The following PCDHGA2 variants were observed in gnomAD, a reference collection of about 807,000 sequenced individuals.
PCDHGA2 encodes protocadherin gamma subfamily A, 2.
A neutral mutation model predicts 59.2 loss-of-function variants in PCDHGA2; 40 were observed. The ratio of observed to expected loss-of-function variants is 0.68; its 90% confidence interval spans 0.52 to 0.88. The LOEUF (loss-of-function observed/expected upper bound fraction) is 0.88. Ranked by LOEUF, PCDHGA2 falls within the 40% of genes least tolerant of loss-of-function variation. The pLI is 0.00. For synonymous variants in PCDHGA2, 560 were observed against 526.0 expected (o/e 1.06, Z -0.89); for missense variants, 1,226 against 1,204.0 (o/e 1.02, Z -0.27).
chr5:141,364,528 C>G (rs1445482375), intron 1 of PCDHGA2: 43 of 1,614,048 alleles, frequency 2.7e-5, no homozygotes, highest in Non-Finnish European at 3.6e-5. Flanking sequence ...GAGTCCGCAT[C>G]GTCTCCAGAG....
Position 141,430,120 on chromosome 5 carries a change from G to A in PCDHGA2, c.2425-64687G>A, listed in dbSNP as rs73280905. Among the ~76,000 whole-genome samples, 1,257 of 152,134 alleles carry A rather than the reference G, an allele frequency of 8.3e-3. 17 individuals are homozygous for A. Among genetic ancestry groups the A allele is most frequent in the African/African-American group, 0.029 (1,193 of 41,506 alleles). Reference sequence around the variant, plus strand: ...TTAAGCGTTACATGTCAACAACCTGGTAAAGTAATCCTTCCATTCAGGATC... The same window carrying A: ...TTAAGCGTTACATGTCAACAACCTGATAAAGTAATCCTTCCATTCAGGATC... On this transcript the variant is annotated intron_variant, in intron 1 of 3. Coordinates refer to ENST00000394576, the MANE Select transcript of PCDHGA2 (RefSeq NM_018915.4).
intron 1 of PCDHGA2, chr5:141,385,593 C>A: frequency 8.1e-7 from 1 of 1,235,054 alleles, no homozygotes; most frequent in African/African-American, 1.6e-5. Flanking sequence ...TTCCAACCTA[C>A]TTTCTTAACT....
At chr5:141,410,189 G>A in intron 1 of PCDHGA2, 1 of 1,613,992 alleles carries the variant, frequency 6.2e-7, no homozygotes, top group Non-Finnish European at 8.5e-7. Context: ...GCTTCATCTG[G>A]TCTTCGCAGA....
Position 141,356,649 on chromosome 5 carries a change from C to A in PCDHGA2, c.2424+15254C>A, listed in dbSNP as rs780140906. 7.4e-6 allele frequency: 12 copies of A among 1,614,014 alleles called. No individual in the cohort carries two copies. In the South Asian group the frequency reaches 1.3e-4, roughly 18 times the overall value. On this transcript the variant is annotated intron_variant, in intron 1 of 3. Transcript: ENST00000394576. Reference sequence around the variant, plus strand: ...CTGCTCAAGACCCTGACAGTGGTGACAATGCCCGAATCACTTACTCCCTGG... The same window carrying A: ...CTGCTCAAGACCCTGACAGTGGTGAAAATGCCCGAATCACTTACTCCCTGG...
chr5:141,357,628 C>T, intron 1 of PCDHGA2: 1 of 1,613,256 alleles, frequency 6.2e-7, no homozygotes, highest in Non-Finnish European at 8.5e-7. Flanking sequence ...TCAGGTGAGT[C>T]AATCTTATAA....
Position 141,415,740 on chromosome 5 carries a change from GTTTTTTTTTTTTTTTT to G in PCDHGA2, c.2424+74362_2424+74377del, listed in dbSNP as rs57426385. 54 of 625,040 alleles carry G rather than the reference GTTTTTTTTTTTTTTTT, an allele frequency of 8.6e-5. 1 individual carries two copies. The East Asian group carries it at 1.4e-3, about 16-fold the overall frequency. The allele number at this position is 625,040 out of a possible 1,614,324, so 38.7% of individuals were successfully genotyped here. ...TGAGTAGAATTTGATGTTTATTAAG[GTTTTTTTTTTTTTTTT>G]TTTTTTTTTTTTTTTTACTTTCTGG... On this transcript the variant is annotated intron_variant, in intron 1 of 3. Transcript: ENST00000394576.
chr5:141,355,379 C>T (rs771278815), intron 1 of PCDHGA2: 1 of 1,614,018 alleles, frequency 6.2e-7, no homozygotes, highest in South Asian at 1.1e-5. Context: ...CGGGAGCTGG[C>T]GGAGCGCGGA....
rs1757639261 is a variant in PCDHGA2, at chr5:141,345,777, G to T, written c.2424+4382G>T. The T allele has an allele frequency of 2.5e-6, 4 of 1,614,122 alleles. No individual in the cohort carries two copies. The African/African-American group carries it at 5.3e-5, about 22-fold the overall frequency. On this transcript the variant is annotated intron_variant, in intron 1 of 3. Transcript: ENST00000394576. ...TGGCGTGGAGCTGGCGCCTCGCTCC[G>T]CAGAGCCCGGCTACCTGGTGACCAA...
Position 141,431,151 on chromosome 5 carries a change from C to T in PCDHGA2, c.2425-63656C>T, listed in dbSNP as rs764416448. The T allele has an allele frequency of 6.2e-7, 1 of 1,614,126 alleles. No individual in the cohort carries two copies. Among genetic ancestry groups the T allele is most frequent in the African/African-American group, 1.3e-5 (1 of 74,954 alleles). On this transcript the variant is annotated intron_variant, in intron 1 of 3. Coordinates refer to ENST00000394576, the MANE Select transcript of PCDHGA2 (RefSeq NM_018915.4). The surrounding 1 kb of genome is among the most constrained non-coding windows in gnomAD (Gnocchi z 4.8). ...GTAAGGGACATTAACGACAATGCGC[C>T]TTACTTTCGTGAAAGTGAATTAGAA...
intron 1 of PCDHGA2, chr5:141,346,231 C>T: frequency 1.9e-6 from 3 of 1,614,200 alleles, no homozygotes; most frequent in African/African-American, 1.3e-5. Context: ...GGCGGCTTGG[C>T]GAGTACGCCC....
intron 1 of PCDHGA2, chr5:141,343,081 T>G (rs1262047538): frequency 6.2e-6 from 1 of 161,534 alleles, no homozygotes. Context: ...TCTCCCATTA[T>G]GGTAATTATC....
rs746906389 is a variant in PCDHGA2 at position 141,384,782 on chromosome 5, C to T, written c.2424+43387C>T. The T allele has an allele frequency of 5.0e-6, 8 of 1,613,640 alleles. No individual in the cohort carries two copies. The highest frequency in any genetic ancestry group is 5.9e-6 in the Non-Finnish European group (7 of 1,179,944). On this transcript the variant is annotated intron_variant, in intron 1 of 3. Transcript: ENST00000394576. The stretch of plus-strand genomic sequence containing the variant: ...GGGCTGTACACGGGCGAGGTGCGCA[C>T]GGCTCGGGCCCTGCTGGACAGAGAT...
intron 1 of PCDHGA2, chr5:141,393,928 A>G: frequency 2.5e-6 from 4 of 1,614,004 alleles, no homozygotes; most frequent in South Asian, 2.2e-5. Flanking sequence ...TTGAGTGTGC[A>G]TGACCAAGAC....
chr5:141,443,457 G>C (rs977253701), intron 1 of PCDHGA2, among the ~76,000 whole-genome samples: 12 of 152,194 alleles, frequency 7.9e-5, no homozygotes, highest in Non-Finnish European at 1.3e-4. Flanking sequence ...CTGTACTCCA[G>C]TCTGGGTGAC....
Position 141,490,772 on chromosome 5 carries a change from C to T in PCDHGA2, c.2425-4035C>T. ...GCCTCCTCCTTTGTGTATGTCAACC[C>T]AGAGGATGGACGGATCTTTGCCCAG... On this transcript the variant is annotated intron_variant, in intron 1 of 3. Coordinates refer to ENST00000394576, the MANE Select transcript of PCDHGA2 (RefSeq NM_018915.4). This position sits in a 1 kb window ranked among gnomAD's most constrained non-coding sequence, Gnocchi z 5.4. 6.2e-7 allele frequency: 1 copy of T among 1,614,164 alleles called. No homozygotes were observed. The highest frequency in any genetic ancestry group is 1.1e-5 in the South Asian group (1 of 91,082).
In PCDHGA2 at chr5:141,339,666, T is replaced by C. The variant is rs757911282; in HGVS notation, c.695T>C (p.Val232Ala). ...GGCACCTCCCGCATCTGCGTGAAGGTCCTGGATGCGAACGACAATGCGCCT... is the reference window on the plus strand; with the variant it reads ...GGCACCTCCCGCATCTGCGTGAAGGCCCTGGATGCGAACGACAATGCGCCT... The part of the protein sequence containing the change: ...LSGTSRICVK[V>A]LDANDNAPVF... Residue 232 changes from valine (V) to alanine (A), a missense_variant, in exon 1 of 4, where the codon GTC becomes GCC. Val to Ala is a moderately conservative substitution (Grantham distance 64). Coordinates refer to ENST00000394576, the MANE Select transcript of PCDHGA2 (RefSeq NM_018915.4). 4 of 1,613,982 alleles carry C rather than the reference T, an allele frequency of 2.5e-6. No individual in the cohort carries two copies. Among genetic ancestry groups the C allele is most frequent in the Non-Finnish European group, 3.4e-6 (4 of 1,180,026 alleles).
At chr5:141,371,602 G>A in intron 1 of PCDHGA2, 1 of 1,613,990 alleles carries the variant, frequency 6.2e-7, no homozygotes, top group East Asian at 2.2e-5. Context: ...AACACATACA[G>A]GTTGGTGACA....
chr5:141,374,657 C>T, intron 1 of PCDHGA2: 1 of 1,612,018 alleles, frequency 6.2e-7, no homozygotes, highest in Non-Finnish European at 8.5e-7. Context: ...GCCCAAGTAC[C>T]CGGAGCTGGT....
In PCDHGA2 at chr5:141,339,650, C is replaced by A. The variant is rs774723964; in HGVS notation, c.679C>A (p.Arg227Ser). The change falls in exon 1 of 4, where the codon CGC (arginine) becomes AGC (serine). Residue 227 changes from arginine to serine, a missense_variant. Physicochemically the swap from Arg to Ser is moderately radical, Grantham distance 110. Coordinates refer to ENST00000394576, the MANE Select transcript of PCDHGA2 (RefSeq NM_018915.4). ...GGDPVLSGTS[R>S]ICVKVLDAND... ...TGACCCAGTGCTATCTGGCACCTCCCGCATCTGCGTGAAGGTCCTGGATGC... is the reference window on the plus strand; with the variant it reads ...TGACCCAGTGCTATCTGGCACCTCCAGCATCTGCGTGAAGGTCCTGGATGC... The A allele has an allele frequency of 9.9e-6, 16 of 1,614,056 alleles. No homozygotes were observed. In the African/African-American group the frequency reaches 1.9e-4, roughly 19 times the overall value.
Sources: allele counts gnomAD v4.1 joint callset (sites outside exome capture counted in the v4.1 genomes callset), GRCh38; gene constraint gnomAD v4.1.1; non-coding constraint Gnocchi (gnomAD v3.1); transcripts MANE v1.5; gene names NCBI Gene and HGNC (gene_info 2026-07-23, HGNC 2026-07-21).